The following NSRP1 variants were observed in gnomAD, a reference collection of about 807,000 sequenced individuals.
The protein encoded by NSRP1 is coiled-coil domain containing 55.
Under a neutral mutation model 54.7 loss-of-function variants are expected in NSRP1, and 24 were observed. That is an observed-to-expected ratio of 0.44 (90% confidence interval 0.32 to 0.62). The LOEUF (loss-of-function observed/expected upper bound fraction) is 0.62. Ranked by LOEUF, NSRP1 falls within the 20% of genes least tolerant of loss-of-function variation. The pLI, the probability that NSRP1 is intolerant of heterozygous loss-of-function variation, is 0.06. For synonymous variants in NSRP1, 210 were observed against 213.8 expected (o/e 0.98, Z 0.15); for missense variants, 596 against 651.2 (o/e 0.92, Z 0.92).
chr17:30,151,408 A>T (rs1376550139), intron 2 of NSRP1, among the ~76,000 whole-genome samples: 5 of 152,202 alleles, frequency 3.3e-5, no homozygotes, highest in African/African-American at 1.2e-4. Flanking sequence ...AACAGCTAAC[A>T]CACTTTTTAT....
In NSRP1 at chr17:30,185,628, TGGCGC is replaced by T; in HGVS notation, c.1634_1638del (p.Ala545GlyfsTer2). On this transcript the variant is annotated frameshift_variant, in exon 7 of 7. Transcript: ENST00000247026. LOFTEE classifies it high-confidence loss of function. ...AGAGACAGGTACTTGGCCAGGCAGA[TGGCGC>T]GGGTTAATGCAAAGACCTATATTGA... is the stretch of plus-strand genomic sequence containing the variant. 6.2e-7 allele frequency: 1 copy of T among 1,611,496 alleles called. No homozygotes were observed. The highest frequency in any genetic ancestry group is 8.5e-7 in the Non-Finnish European group (1 of 1,179,322).
intron 2 of NSRP1, among the ~76,000 whole-genome samples, chr17:30,125,207 T>A (rs1226886379): frequency 6.6e-6 from 1 of 151,678 alleles, no homozygotes; most frequent in Non-Finnish European, 1.5e-5. Flanking sequence ...AAAAAAAGAT[T>A]AAAAAAAAAT....
chr17:30,169,117 C>T (rs1904838368), intron 2 of NSRP1, among the ~76,000 whole-genome samples: 1 of 152,020 alleles, frequency 6.6e-6, no homozygotes, highest in Non-Finnish European at 1.5e-5. Flanking sequence ...TTTGAGGTGT[C>T]TCAAAATAGA....
intron 5 of NSRP1, 23 bp downstream of exon 5, chr17:30,179,320 G>C: frequency 6.5e-7 from 1 of 1,548,604 alleles, no homozygotes; most frequent in Non-Finnish European, 8.7e-7. Context: ...AGTGGGAAAG[G>C]CACAAGGAAA....
intron 2 of NSRP1, chr17:30,168,939 T>C (rs1457814221): frequency 1.3e-5 from 2 of 152,006 alleles, no homozygotes; most frequent in Non-Finnish European, 2.9e-5. Flanking sequence ...AGGTTCAGAG[T>C]TATCCACTGA....
intron 2 of NSRP1, among the ~76,000 whole-genome samples, chr17:30,124,135 G>A (rs2071629399): frequency 6.6e-6 from 1 of 151,714 alleles, no homozygotes; most frequent in Non-Finnish European, 1.5e-5. Flanking sequence ...GTGGTGGCAC[G>A]CACTGGTAAT....
At chr17:30,130,306 C>T (rs1384838251) in intron 2 of NSRP1, among the ~76,000 whole-genome samples, 2 of 151,924 alleles carry the variant, frequency 1.3e-5, no homozygotes, top group Non-Finnish European at 2.9e-5. Flanking sequence ...ACTATGTTGC[C>T]CAGGCTGTTC....
chr17:30,185,347 T>G lies in NSRP1; in HGVS notation c.1350T>G (p.Asn450Lys). The change falls in exon 7 of 7, where the codon AAT (asparagine) becomes AAG (lysine). Residue 450 changes from asparagine (N) to lysine (K), a missense_variant. Physicochemically the swap from Asn to Lys is moderately conservative, Grantham distance 94. Coordinates refer to ENST00000247026, the MANE Select transcript of NSRP1 (RefSeq NM_032141.4). ...REVGVQSSER[N>K]QDRKESSPNS... ...TAGGTGTTCAGTCTTCAGAAAGAAA[T>G]CAAGACAGAAAGGAAAGCAGCCCAA... The G allele has an allele frequency of 6.2e-7, 1 of 1,611,466 alleles. No individual in the cohort carries two copies. Among genetic ancestry groups the G allele is most frequent in the Non-Finnish European group, 8.5e-7 (1 of 1,179,428 alleles).
At chr17:30,141,564 T>C (rs1347608912) in intron 2 of NSRP1, among the ~76,000 whole-genome samples, 1 of 152,224 alleles carries the variant, frequency 6.6e-6, no homozygotes, top group African/African-American at 2.4e-5. Flanking sequence ...TTGTGACAAT[T>C]CATGTATGTT....
At position 30,185,494 on chromosome 17, in the gene NSRP1, A is replaced by G; in HGVS notation, c.1497A>G (p.Lys499=). 6.2e-7 allele frequency: 1 copy of G among 1,613,858 alleles called. No homozygotes were observed. Among genetic ancestry groups the G allele is most frequent in the Non-Finnish European group, 8.5e-7 (1 of 1,179,974 alleles). ...PSNSESSLGA[K]HRLTEEGQEK... ...ATTCTGAATCATCACTGGGAGCAAA[A>G]CACAGACTCACAGAGGAAGGGCAAG... Residue 499 remains lysine (K), a synonymous_variant, in exon 7 of 7, where the codon AAA becomes AAG. Coordinates refer to ENST00000247026, the MANE Select transcript of NSRP1 (RefSeq NM_032141.4).
chr17:30,151,886 G>A (rs2071914924), intron 2 of NSRP1, among the ~76,000 whole-genome samples: 1 of 146,876 alleles, frequency 6.8e-6, no homozygotes, highest in Non-Finnish European at 1.5e-5. Flanking sequence ...AGGTTCAAGT[G>A]ATTCTCCCAA....
At chr17:30,122,378 TATATATA>T (rs1332048566) in intron 2 of NSRP1, 15 of 37,306 alleles carry the variant, frequency 4.0e-4, no homozygotes, top group South Asian at 2.2e-3. Context: ...TATATATATA[TATATATA>T]TTTTTTTTTT....
At chr17:30,180,828 G>GT (rs1905267352) in intron 5 of NSRP1, 80 bp from the exon 6 acceptor site, 1 of 903,388 alleles carries the variant, frequency 1.1e-6, no homozygotes. Context: ...CACACTGTAT[G>GT]TTATATACTG....
chr17:30,184,150 C>T (rs571308071), intron 6 of NSRP1, among the ~76,000 whole-genome samples: 5 of 152,228 alleles, frequency 3.3e-5, no homozygotes, highest in Middle Eastern at 3.4e-3. Context: ...TGCAGTGAAC[C>T]GAGATTGTGC....
chr17:30,137,157 A>C (rs2071757765), intron 2 of NSRP1, among the ~76,000 whole-genome samples: 1 of 152,198 alleles, frequency 6.6e-6, no homozygotes, highest in Non-Finnish European at 1.5e-5. Context: ...TTCATCATTA[A>C]GTATGCTATT....
chr17:30,165,410 C>A (rs1904694632), intron 2 of NSRP1, among the ~76,000 whole-genome samples: 1 of 152,168 alleles, frequency 6.6e-6, no homozygotes, highest in South Asian at 2.1e-4. Flanking sequence ...ATGCAACTTA[C>A]TAACATTGGG....
chr17:30,171,980 T>TCTCC (rs1335628605), intron 2 of NSRP1, among the ~76,000 whole-genome samples: 2 of 93,714 alleles, frequency 2.1e-5, no homozygotes, highest in Non-Finnish European at 4.8e-5. Flanking sequence ...ACACTCCCTC[T>TCTCC]CTCTCTCTCT....
At chr17:30,131,711 G>A (rs755627434) in intron 2 of NSRP1, among the ~76,000 whole-genome samples, 3 of 152,020 alleles carry the variant, frequency 2.0e-5, no homozygotes, top group East Asian at 1.9e-4. Context: ...CTGGGTGGCC[G>A]TAGCAATTTC....
rs143123894 is a variant in NSRP1 at position 30,185,316 on chromosome 17, G to A, written c.1319G>A (p.Arg440Gln). The change falls in exon 7 of 7, where the codon CGA becomes CAA. Residue 440 changes from arginine to glutamine, a missense_variant. Transcript: ENST00000247026. Reference sequence around the variant, plus strand: ...GATAAATACAGAGATAGAGAAAAACGAGAGGTAGGTGTTCAGTCTTCAGAA... The same window carrying A: ...GATAAATACAGAGATAGAGAAAAACAAGAGGTAGGTGTTCAGTCTTCAGAA... Reference protein sequence around the residue: ...NNDKYRDREKREVGVQSSERN... With the variant: ...NNDKYRDREKQEVGVQSSERN... 3.7e-4 allele frequency: 592 copies of A among 1,605,758 alleles called. 3 individuals are homozygous for A. The East Asian group carries it at 0.012, about 31-fold the overall frequency.
Sources: gnomAD v4.1 joint callset for allele counts (sites outside exome capture counted in the v4.1 genomes callset) on GRCh38, gnomAD v4.1.1 for gene constraint, MANE v1.5 for transcripts, NCBI Gene and HGNC (gene_info 2026-07-23, HGNC 2026-07-21) for gene names.